WWOX: variants seen among roughly 807,000 people sequenced by gnomAD.
The protein encoded by WWOX is WW domain containing oxidoreductase.
A neutral mutation model predicts 46.2 loss-of-function variants in WWOX; 69 were observed. The observed-to-expected ratio is 1.49, with a 90% CI of 1.23 to 1.82. The LOEUF (loss-of-function observed/expected upper bound fraction) is 1.82, where lower values mean the gene tolerates loss of function less well. WWOX is among the 40% of genes most tolerant of loss of function. The pLI, the probability that WWOX is intolerant of heterozygous loss-of-function variation, is 0.00. For synonymous variants in WWOX, 359 were observed against 202.6 expected, an observed-to-expected ratio of 1.77 and a Z score of -6.56; for missense variants, 919 against 542.6, an observed-to-expected ratio of 1.69 and a Z score of -6.89.
chr16:78,667,690 AAAAG>A (rs2047364739), intron 8 of WWOX, among the ~76,000 whole-genome samples: 1 of 151,816 alleles, frequency 6.6e-6, no homozygotes. Context: ...AAAAAAAAAA[AAAAG>A]ATAATGATGA....
chr16:79,121,446 G>T lies in WWOX; in HGVS notation c.1057-90162G>T, dbSNP rs1005942682. On this transcript the variant is annotated intron_variant, in intron 8 of 8. Transcript: ENST00000566780. ...TTATGGCCAGTAGATGGAATTCTAA[G>T]GTCCGATGTCGGTTTGCCATGACTT... 2.0e-5 allele frequency among the ~76,000 whole-genome samples: 3 copies of T among 152,196 alleles called. 1 individual carries two copies. The highest frequency in any genetic ancestry group is 2.0e-4 in the Admixed American group (3 of 15,284).
intron 8 of WWOX, among the ~76,000 whole-genome samples, chr16:78,726,018 CCTT>C (rs1258982451): frequency 1.4e-5 from 2 of 148,138 alleles, no homozygotes; most frequent in Non-Finnish European, 3.0e-5. Context: ...TCTTTGTTCT[CCTT>C]CTAGTTCTCC....
chr16:79,129,259 A>T (rs1047620638), intron 8 of WWOX, among the ~76,000 whole-genome samples: 25 of 151,420 alleles, frequency 1.7e-4, no homozygotes, highest in Non-Finnish European at 2.2e-4. Context: ...CAAAATAGAG[A>T]TGTAGTTTTA....
chr16:78,382,545 T>A (rs1470642681), intron 5 of WWOX, among the ~76,000 whole-genome samples: 1 of 152,188 alleles, frequency 6.6e-6, no homozygotes, highest in Non-Finnish European at 1.5e-5. Context: ...CAGAGGATCT[T>A]GTGAGCCATG....
chr16:78,631,908 A>G (rs916535834), intron 8 of WWOX, among the ~76,000 whole-genome samples: 2 of 152,186 alleles, frequency 1.3e-5, no homozygotes, highest in Middle Eastern at 3.4e-3. Context: ...GCACTTTTTG[A>G]TTTAAATTAT....
intron 5 of WWOX, among the ~76,000 whole-genome samples, chr16:78,229,317 T>G (rs990009792): frequency 6.6e-6 from 1 of 151,274 alleles, no homozygotes; most frequent in Non-Finnish European, 1.5e-5. Context: ...AACCTACAAT[T>G]CCTGACTCTT....
At chr16:78,856,072 A>T (rs1422882616) in intron 8 of WWOX, among the ~76,000 whole-genome samples, 1 of 152,248 alleles carries the variant, frequency 6.6e-6, no homozygotes, top group Admixed American at 6.5e-5. Context: ...ACAGGGGAAG[A>T]CAAATATGAG....
chr16:78,374,061 A>C (rs1328388931), intron 5 of WWOX, among the ~76,000 whole-genome samples: 2 of 152,250 alleles, frequency 1.3e-5, no homozygotes, highest in Non-Finnish European at 2.9e-5. Context: ...TGTGGGGATT[A>C]TAGGCGTGAG....
intron 8 of WWOX, among the ~76,000 whole-genome samples, chr16:79,031,920 A>C (rs58106557): frequency 0.17 from 10,070 of 60,086 alleles, 524 homozygotes; most frequent in African/African-American, 0.21. Context: ...AGATATCTAT[A>C]TATATAGATA....
intron 8 of WWOX, among the ~76,000 whole-genome samples, chr16:79,117,231 G>C (rs1250102608): frequency 6.6e-6 from 1 of 151,986 alleles, no homozygotes; most frequent in Non-Finnish European, 1.5e-5. Context: ...GGCTGGTCTT[G>C]AACTTGTGGT....
intron 8 of WWOX, among the ~76,000 whole-genome samples, chr16:79,126,218 T>G (rs980409362): frequency 1.3e-5 from 2 of 152,008 alleles, no homozygotes; most frequent in African/African-American, 4.8e-5. Context: ...GAGCTTGGGC[T>G]TTGGGGTGCT....
At chr16:78,733,184 A>G (rs1476633461) in intron 8 of WWOX, among the ~76,000 whole-genome samples, 6 of 152,256 alleles carry the variant, frequency 3.9e-5, no homozygotes, top group Non-Finnish European at 5.9e-5. Flanking sequence ...AGAAGATTCT[A>G]TAATACTAAA....
chr16:78,584,639 G>T (rs1339769418), intron 8 of WWOX, among the ~76,000 whole-genome samples: 1 of 152,196 alleles, frequency 6.6e-6, no homozygotes, highest in Admixed American at 6.5e-5. Flanking sequence ...GACATATTCT[G>T]TTCTATGATA....
chr16:78,968,615 A>G (rs2046410243), intron 8 of WWOX, among the ~76,000 whole-genome samples: 3 of 152,168 alleles, frequency 2.0e-5, no homozygotes, highest in Admixed American at 6.5e-5. Context: ...CCCTGTTGAG[A>G]GGTTCATGAT....
intron 8 of WWOX, among the ~76,000 whole-genome samples, chr16:78,449,968 G>C (rs1434743535): frequency 6.6e-6 from 1 of 151,522 alleles, no homozygotes; most frequent in Admixed American, 6.6e-5. Context: ...AGAATATCTA[G>C]ACTATATGTA....
intron 8 of WWOX, among the ~76,000 whole-genome samples, chr16:78,433,671 G>T (rs1326309431): frequency 6.6e-6 from 1 of 150,970 alleles, no homozygotes; most frequent in African/African-American, 2.4e-5. Context: ...AAGAACTATT[G>T]CAGGCCTATT....
intron 8 of WWOX, among the ~76,000 whole-genome samples, chr16:78,601,948 G>T (rs1207858081): frequency 1.3e-5 from 2 of 152,122 alleles, no homozygotes; most frequent in Non-Finnish European, 2.9e-5. Context: ...GTTTCATTTT[G>T]CTTTGGTAAT....
At chr16:78,721,794 A>T (rs1275874267) in intron 8 of WWOX, among the ~76,000 whole-genome samples, 1 of 152,108 alleles carries the variant, frequency 6.6e-6, no homozygotes, top group Non-Finnish European at 1.5e-5. Flanking sequence ...CTCCGAAGAT[A>T]CCCCCGACTT....
At chr16:79,092,136 T>C (rs1475498382) in intron 8 of WWOX, among the ~76,000 whole-genome samples, 3 of 152,178 alleles carry the variant, frequency 2.0e-5, no homozygotes, top group Admixed American at 6.5e-5. Context: ...TTTCAGGTAG[T>C]CTGAATTAGG....
Sources: allele counts gnomAD v4.1 joint callset (sites outside exome capture counted in the v4.1 genomes callset), GRCh38; gene constraint gnomAD v4.1.1; transcripts MANE v1.5; gene names NCBI Gene and HGNC (gene_info 2026-07-23, HGNC 2026-07-21).